NRDC: variants seen among roughly 807,000 people sequenced by gnomAD.
The protein encoded by NRDC is nardilysin.
In NRDC, 54 loss-of-function variants were observed where a neutral mutation model predicts 147.1. That is an observed-to-expected ratio of 0.37 (90% CI 0.29 to 0.46). The LOEUF is 0.46. Among genes scored for constraint, NRDC ranks in the 20% least tolerant of loss-of-function variants. NRDC has a pLI of 1.00. For missense variants in NRDC, 1,082 were observed against 1,370.6 expected, an observed-to-expected ratio of 0.79 and a Z score of 3.33; for synonymous variants, 440 against 482.1, an observed-to-expected ratio of 0.91 and a Z score of 1.14.
intron 21 of NRDC, chr1:51,798,639 T>C: frequency 2.5e-6 from 1 of 406,694 alleles, no homozygotes. Flanking sequence ...TGCACTTACC[T>C]GTCTCAGTTG....
intron 1 of NRDC, among the ~76,000 whole-genome samples, chr1:51,863,846 C>T (rs1403466136): frequency 6.6e-6 from 1 of 152,174 alleles, no homozygotes; most frequent in Non-Finnish European, 1.5e-5. Flanking sequence ...TATACAGATG[C>T]TCCTCGACTT....
intron 4 of NRDC, among the ~76,000 whole-genome samples, chr1:51,832,897 A>G (rs982513339): frequency 6.6e-5 from 10 of 152,262 alleles, no homozygotes; most frequent in African/African-American, 1.9e-4. Context: ...AATCATATGT[A>G]ACTGATTAAA....
chr1:51,801,930 G>A (rs1458347749), intron 20 of NRDC, among the ~76,000 whole-genome samples: 2 of 152,058 alleles, frequency 1.3e-5, no homozygotes, highest in Non-Finnish European at 2.9e-5. Flanking sequence ...TGAGACTACA[G>A]GCGCCTGCCA....
At chr1:51,806,613 T>C (rs968251856) in intron 18 of NRDC, among the ~76,000 whole-genome samples, 181 bp downstream of exon 18, 32 of 152,184 alleles carry the variant, frequency 2.1e-4, no homozygotes, top group Admixed American at 6.5e-5. Flanking sequence ...ATATTTGTTT[T>C]ACTTATTTTA....
chr1:51,867,962 G>T (rs1015138762), intron 1 of NRDC, among the ~76,000 whole-genome samples: 2 of 152,190 alleles, frequency 1.3e-5, no homozygotes, highest in Non-Finnish European at 2.9e-5. Flanking sequence ...TGCTCCCGGG[G>T]ATGATCCAGT....
chr1:51,800,573 C>A lies in NRDC; in HGVS notation c.2424G>T (p.Lys808Asn). The change falls in exon 21 of 31, where the codon AAG becomes AAT. Residue 808 changes from lysine (K) to asparagine (N), a missense_variant. Physicochemically the swap from Lys to Asn is moderately conservative, Grantham distance 94. Coordinates refer to ENST00000352171, the MANE Select transcript of NRDC (RefSeq NM_001101662.2). ...LKKTYFNILI[K>N]PETLAKDVRL... is the part of the protein sequence containing the mutation. Reference sequence around the variant, plus strand: ...ATACCCACTTGGCCAAAGTCTCGGGCTTGATGAGGATGTTAAAGTAGGTCT... The same window carrying A: ...ATACCCACTTGGCCAAAGTCTCGGGATTGATGAGGATGTTAAAGTAGGTCT... 2 of 1,613,912 alleles carry A rather than the reference C, an allele frequency of 1.2e-6. No homozygotes were observed.
At chr1:51,845,466 G>A (rs1409853102) in intron 1 of NRDC, among the ~76,000 whole-genome samples, 1 of 152,076 alleles carries the variant, frequency 6.6e-6, no homozygotes, top group African/African-American at 2.4e-5. Context: ...GGTGGCATAC[G>A]CCTGTAGTCC....
In NRDC at chr1:51,835,817, G is replaced by C. The variant is rs151244167; in HGVS notation, c.712+314C>G. The stretch of plus-strand genomic sequence containing the variant: ...TGGGGGCCTTGCTAACCCTGGAAGG[G>C]ACTGCCCTCCCCAGGACTGGTCATT... On this transcript the variant is annotated intron_variant, in intron 3 of 30. Coordinates refer to ENST00000352171, the MANE Select transcript of NRDC (RefSeq NM_001101662.2). Among the ~76,000 whole-genome samples the C allele has an allele frequency of 3.8e-3, 585 of 152,262 alleles. 1 individual carries two copies. Among genetic ancestry groups the C allele is most frequent in the Non-Finnish European group, 6.4e-3 (437 of 68,000 alleles).
intron 1 of NRDC, among the ~76,000 whole-genome samples, chr1:51,844,401 GATGGTACACCAGAT>G (rs1396827565): frequency 6.6e-6 from 1 of 151,972 alleles, no homozygotes; most frequent in Admixed American, 6.6e-5. Context: ...TTGGAAACAC[GATGGTACACCAGAT>G]ATGTGTGCAC....
intron 10 of NRDC, among the ~76,000 whole-genome samples, chr1:51,816,710 A>T (rs1262564492): frequency 6.6e-6 from 1 of 152,206 alleles, no homozygotes; most frequent in Non-Finnish European, 1.5e-5. Flanking sequence ...TAGATTCCTT[A>T]TCAGTCTAGA....
intron 29 of NRDC, among the ~76,000 whole-genome samples, chr1:51,790,220 A>G (rs1008762641): frequency 2.6e-5 from 4 of 152,206 alleles, no homozygotes; most frequent in Non-Finnish European, 4.4e-5. Flanking sequence ...AAAGACAAAG[A>G]GTCCTCAATT....
intron 1 of NRDC, among the ~76,000 whole-genome samples, chr1:51,844,556 C>T (rs1462952307): frequency 1.3e-5 from 2 of 151,696 alleles, no homozygotes; most frequent in East Asian, 3.9e-4. Context: ...TCCTGGCCAA[C>T]ATGGTGAAAC....
chr1:51,852,468 A>T (rs953695444), intron 1 of NRDC, among the ~76,000 whole-genome samples: 1 of 6,354 alleles, frequency 1.6e-4, no homozygotes, highest in African/African-American at 6.0e-4. Context: ...TATAACTATA[A>T]CTATATATAC....
intron 9 of NRDC, 142 bp downstream of exon 9, chr1:51,819,658 T>C: frequency 3.2e-6 from 2 of 623,430 alleles, no homozygotes; most frequent in East Asian, 5.7e-5. Context: ...TAATTAGATC[T>C]CCATTGCCCA....
At chr1:51,806,739 A>T (rs1336681483) in intron 18 of NRDC, 55 bp downstream of exon 18, 23 of 1,528,950 alleles carry the variant, frequency 1.5e-5, no homozygotes, top group Non-Finnish European at 1.8e-5. Context: ...GAAACAGAGC[A>T]TCTAAAGAGA....
chr1:51,838,124 G>A (rs1173444360), intron 2 of NRDC, among the ~76,000 whole-genome samples: 2 of 152,000 alleles, frequency 1.3e-5, no homozygotes, highest in African/African-American at 2.4e-5. Flanking sequence ...ACAATTTCTC[G>A]TCTTCAAACT....
At chr1:51,831,563 C>A (rs1187171894) in intron 4 of NRDC, among the ~76,000 whole-genome samples, 1 of 151,856 alleles carries the variant, frequency 6.6e-6, no homozygotes, top group South Asian at 2.1e-4. Flanking sequence ...ATTTGCATTG[C>A]CTTCATTGAT....
chr1:51,874,835 A>G lies in NRDC; in HGVS notation c.341+3440T>C, dbSNP rs1683247750. Among the ~76,000 whole-genome samples, 4 of 152,220 alleles carry G rather than the reference A, an allele frequency of 2.6e-5. No individual in the cohort carries two copies. In the South Asian group the frequency reaches 8.3e-4, roughly 32 times the overall value. Reference sequence around the variant, plus strand: ...TATGCCCAACATTTCAAAAAAGCGGAATACAAATTACACATATGCTGAAGT... The same window carrying G: ...TATGCCCAACATTTCAAAAAAGCGGGATACAAATTACACATATGCTGAAGT... On this transcript the variant is annotated intron_variant, in intron 1 of 30. Coordinates refer to ENST00000352171, the MANE Select transcript of NRDC (RefSeq NM_001101662.2).
chr1:51,807,517 G>A (rs1679522974), intron 17 of NRDC, among the ~76,000 whole-genome samples: 1 of 151,998 alleles, frequency 6.6e-6, no homozygotes, highest in South Asian at 2.1e-4. Flanking sequence ...GACCAGCCTG[G>A]GCAACATAGA....
Sources: gnomAD v4.1 joint callset for allele counts (sites outside exome capture counted in the v4.1 genomes callset) on GRCh38, gnomAD v4.1.1 for gene constraint, MANE v1.5 for transcripts, NCBI Gene and HGNC (gene_info 2026-07-23, HGNC 2026-07-21) for gene names.